HERC5: variants seen among roughly 807,000 people sequenced by gnomAD.
HERC5 encodes the protein HECT and RLD domain containing E3 ubiquitin protein ligase 5, also known as E3 ISG15--protein ligase HERC5.
HERC5 carries 99 observed loss-of-function variants against 119.6 expected under a neutral mutation model. The ratio of observed to expected loss-of-function variants is 0.83; its 90% CI spans 0.70 to 0.98. The LOEUF is 0.98. Among genes scored for constraint, HERC5 ranks in the 50% least tolerant of loss-of-function variants. The pLI is 0.00. For missense variants in HERC5, 1,267 were observed against 1,241.3 expected (o/e 1.02, Z -0.31); for synonymous variants, 478 against 445.9 (o/e 1.07, Z -0.91).
At chr4:88,458,224 A>G (rs1315241867) in intron 1 of HERC5, 2 of 336,340 alleles carry the variant, frequency 5.9e-6, no homozygotes, top group Non-Finnish European at 8.4e-6. Context: ...CACGTCGTAC[A>G]TGTAATATTT....
chr4:88,504,623 C>T (rs895011451), intron 22 of HERC5, 26 bp downstream of exon 22: 2 of 1,354,966 alleles, frequency 1.5e-6, no homozygotes, highest in Non-Finnish European at 2.0e-6. Context: ...AGGAATAGAT[C>T]TGTAATCGTA....
Position 88,457,411 on chromosome 4 carries a change from C to G in HERC5, c.142C>G (p.Arg48Gly). The G allele has an allele frequency of 2.2e-6, 3 of 1,389,714 alleles. No homozygotes were observed. Among genetic ancestry groups the G allele is most frequent in the Admixed American group, 3.2e-5 (1 of 31,214 alleles). The allele number at this position is 1,389,714 out of a possible 1,614,324, so 86.1% of individuals were successfully genotyped here. The change falls in exon 1 of 23, where the codon CGG becomes GGG. Residue 48 changes from arginine to glycine, a missense_variant. Physicochemically the swap from Arg to Gly is moderately radical, Grantham distance 125 (BLOSUM62 -2). Coordinates refer to ENST00000264350, the MANE Select transcript of HERC5 (RefSeq NM_016323.4). ...SAAGLHRALLRRVEVTRQLCC... is the reference protein window; with the variant it reads ...SAAGLHRALLGRVEVTRQLCC... ...CGCGGGCCTCCACCGCGCGCTGCTC[C>G]GGAGGGTGGAGGTGACGCGCCAACT...
At chr4:88,496,041 A>C (rs779229291) in intron 18 of HERC5, among the ~76,000 whole-genome samples, 1 of 152,232 alleles carries the variant, frequency 6.6e-6, no homozygotes, top group African/African-American at 2.4e-5. Context: ...ACAGGAATAC[A>C]CAAATATCTG....
intron 13 of HERC5, among the ~76,000 whole-genome samples, chr4:88,481,356 A>G (rs1235313926): frequency 6.6e-6 from 1 of 151,998 alleles, no homozygotes; most frequent in African/African-American, 2.4e-5. Flanking sequence ...CCAGGCCAAT[A>G]TTTGACTTTT....
At chr4:88,479,610 A>C (rs908870880) in intron 13 of HERC5, 103 bp downstream of exon 13, 6 of 830,872 alleles carry the variant, frequency 7.2e-6, no homozygotes, top group African/African-American at 1.8e-5. Context: ...AGACATACGA[A>C]GTTTATATTG....
intron 16 of HERC5, among the ~76,000 whole-genome samples, chr4:88,490,266 TCAA>T (rs1741592869): frequency 6.6e-6 from 1 of 152,178 alleles, no homozygotes; most frequent in Non-Finnish European, 1.5e-5. Context: ...TTTAACCCTT[TCAA>T]CAACATTATG....
At chr4:88,489,463 C>A in intron 16 of HERC5, 127 bp downstream of exon 16, 2 of 868,430 alleles carry the variant, frequency 2.3e-6, no homozygotes, top group South Asian at 3.6e-5. Context: ...TTTAGGGTTC[C>A]TCTGATTCCC....
At chr4:88,498,083 T>A (rs1216012857) in intron 18 of HERC5, among the ~76,000 whole-genome samples, 7 of 151,854 alleles carry the variant, frequency 4.6e-5, no homozygotes. Flanking sequence ...TGGCACAGAG[T>A]GCACAAGCTG....
intron 9 of HERC5, among the ~76,000 whole-genome samples, chr4:88,469,501 T>C (rs1740792398): frequency 6.6e-6 from 1 of 152,166 alleles, no homozygotes; most frequent in African/African-American, 2.4e-5. Context: ...TTGTAGGGGC[T>C]GGCAAGTCCA....
chr4:88,460,243 C>T, intron 3 of HERC5, 72 bp downstream of exon 3: 1 of 691,750 alleles, frequency 1.4e-6, no homozygotes, highest in Admixed American at 2.7e-5. Context: ...AGTAGAATGT[C>T]TATATTTCAC....
At chr4:88,492,035 ACT>A (rs1741654976) in intron 16 of HERC5, among the ~76,000 whole-genome samples, 1 of 151,766 alleles carries the variant, frequency 6.6e-6, no homozygotes, top group African/African-American at 2.4e-5. Context: ...ACAGAGTCTC[ACT>A]CTGTTGCCCA....
chr4:88,494,042 G>A (rs1741731735), intron 17 of HERC5, 123 bp from the exon 18 acceptor site: 3 of 610,530 alleles, frequency 4.9e-6, no homozygotes, highest in East Asian at 6.6e-5. Context: ...CTTATCTCAG[G>A]CTTTAAATTT....
intron 7 of HERC5, among the ~76,000 whole-genome samples, 195 bp from the exon 8 acceptor site, chr4:88,468,151 C>T (rs536050845): frequency 6.6e-6 from 1 of 152,184 alleles, no homozygotes; most frequent in Admixed American, 6.5e-5. Flanking sequence ...TTGTGAATTA[C>T]CTATGTTTGC....
intron 20 of HERC5, among the ~76,000 whole-genome samples, chr4:88,502,958 CTT>C (rs1177572422): frequency 1.3e-5 from 2 of 151,344 alleles, no homozygotes; most frequent in African/African-American, 4.9e-5. Context: ...TGTGGCTTGT[CTT>C]TTCACTTTTT....
intron 16 of HERC5, among the ~76,000 whole-genome samples, chr4:88,492,169 A>G (rs971393117): frequency 4.0e-5 from 6 of 151,484 alleles, no homozygotes; most frequent in Non-Finnish European, 7.4e-5. Context: ...ACACCCAGCT[A>G]ATTTTTGTAT....
Position 88,505,721 on chromosome 4 carries a change from T to C in HERC5, c.2918T>C (p.Met973Thr), listed in dbSNP as rs754788369. 10 of 1,595,740 alleles carry C rather than the reference T, an allele frequency of 6.3e-6. No homozygotes were observed. The South Asian group carries it at 1.1e-4, about 18-fold the overall frequency. ...CTACAAATGAAAGATTTAAATAATA[T>C]GAAAATAACATTTTGCTGTCCTGAA... ...DRLQMKDLNNMKITFCCPESW... is the reference protein window; with the variant it reads ...DRLQMKDLNNTKITFCCPESW... Residue 973 changes from methionine (M) to threonine (T), a missense_variant, in exon 23 of 23, where the codon ATG becomes ACG. This residue lies in a region of HERC5 where 473 missense variants were observed against 445.7 expected (regional missense o/e 1.06). Transcript: ENST00000264350.
chr4:88,467,175 A>T lies in HERC5; in HGVS notation c.1028A>T (p.Lys343Ile). 6.2e-7 allele frequency: 1 copy of T among 1,614,190 alleles called. No homozygotes were observed. The highest frequency in any genetic ancestry group is 8.5e-7 in the Non-Finnish European group (1 of 1,180,010). Residue 343 changes from lysine to isoleucine, a missense_variant, in exon 7 of 23, where the codon AAA becomes ATA. Physicochemically the swap from Lys to Ile is moderately radical, Grantham distance 102. Transcript: ENST00000264350. ...GACCAGCTGATGCCGCTTCCAGTGA[A>T]AGTATCATCAAGTGAAGAACTCAAA... ...TRDQLMPLPV[K>I]VSSSEELKLE...
chr4:88,467,964 T>TAA, intron 7 of HERC5: 2 of 731,874 alleles, frequency 2.7e-6, no homozygotes, highest in Non-Finnish European at 3.3e-6. Context: ...TTATAACAGT[T>TAA]ACATGGGCTT....
At chr4:88,468,214 A>T in intron 7 of HERC5, 132 bp from the exon 8 acceptor site, 1 of 638,574 alleles carries the variant, frequency 1.6e-6, no homozygotes, top group Non-Finnish European at 2.6e-6. Context: ...ATTGGCAGAA[A>T]ATGTACTAAG....
Sources: gnomAD v4.1 joint callset for allele counts (sites outside exome capture counted in the v4.1 genomes callset) on GRCh38, gnomAD v4.1.1 for gene constraint, gnomAD v4.1.1 regional missense constraint, MANE v1.5 for transcripts, NCBI Gene and HGNC (gene_info 2026-07-23, HGNC 2026-07-21) for gene names.